HABP4: variants seen among roughly 807,000 people sequenced by gnomAD.
HABP4 encodes the protein intracellular hyaluronan-binding protein 4.
A neutral mutation model predicts 44.1 loss-of-function variants in HABP4; 32 were observed. The observed-to-expected ratio is 0.73, with a 90% CI of 0.55 to 0.97. HABP4 has a LOEUF of 0.97. Among genes scored for constraint, HABP4 ranks in the 50% least tolerant of loss-of-function variants. The pLI is 0.00. For missense variants in HABP4, 503 were observed against 561.9 expected, an observed-to-expected ratio of 0.90 and a Z score of 1.06; for synonymous variants, 216 against 218.0, an observed-to-expected ratio of 0.99 and a Z score of 0.08.
intron 6 of HABP4, among the ~76,000 whole-genome samples, chr9:96,486,750 T>TACCTA (rs1177208692): frequency 2.6e-5 from 4 of 152,036 alleles, no homozygotes; most frequent in Non-Finnish European, 5.9e-5. Flanking sequence ...AGCACTAGAA[T>TACCTA]ACCTAGCAAA....
Position 96,458,420 on chromosome 9 carries a change from A to T in HABP4, c.391A>T (p.Asn131Tyr). 6.2e-7 allele frequency: 1 copy of T among 1,614,030 alleles called. No homozygotes were observed. Among genetic ancestry groups the T allele is most frequent in the Non-Finnish European group, 8.5e-7 (1 of 1,179,944 alleles). The change falls in exon 2 of 8, where the codon AAT (asparagine) becomes TAT (tyrosine). Residue 131 changes from asparagine (N) to tyrosine (Y), a missense_variant. Coordinates refer to ENST00000375249, the MANE Select transcript of HABP4 (RefSeq NM_014282.4). ...TPRRGEQQGW[N>Y]DSRGPEGMLE... ...TAGAAGAGGGGAGCAGCAAGGATGG[A>T]ATGACAGCCGTGGGCCGGAGGGGAT...
chr9:96,454,007 G>A (rs1016574401), intron 1 of HABP4, among the ~76,000 whole-genome samples: 2 of 152,112 alleles, frequency 1.3e-5, no homozygotes, highest in Non-Finnish European at 2.9e-5. Context: ...AAAATGAAAT[G>A]TTTGCTTGAT....
At chr9:96,483,272 A>G (rs1304653525) in intron 5 of HABP4, 3 of 152,028 alleles carry the variant, frequency 2.0e-5, no homozygotes, top group Non-Finnish European at 4.4e-5. Context: ...CTATTTGTAT[A>G]TCTTCTCTGG....
chr9:96,458,697 C>T (rs1485869831), intron 2 of HABP4, among the ~76,000 whole-genome samples, 156 bp downstream of exon 2: 1 of 150,562 alleles, frequency 6.6e-6, no homozygotes, highest in Non-Finnish European at 1.5e-5. Context: ...GATCTCGGCT[C>T]ACTGCAACCT....
intron 5 of HABP4, among the ~76,000 whole-genome samples, chr9:96,471,799 G>A (rs577069957): frequency 6.6e-6 from 1 of 151,350 alleles, no homozygotes; most frequent in Non-Finnish European, 1.5e-5. Context: ...TTTTTCTGGG[G>A]TTTTTTTTGA....
chr9:96,479,166 C>CTA (rs1188649848), intron 5 of HABP4, among the ~76,000 whole-genome samples: 1 of 152,040 alleles, frequency 6.6e-6, no homozygotes, highest in Non-Finnish European at 1.5e-5. Context: ...GGATTTTTAC[C>CTA]TAGACTGCTT....
At chr9:96,457,734 GGCACATGCCTGTAATTCCA>G (rs1832419395) in intron 1 of HABP4, among the ~76,000 whole-genome samples, 2 of 152,092 alleles carry the variant, frequency 1.3e-5, no homozygotes, top group South Asian at 4.1e-4. Flanking sequence ...TGGGCATGGT[GGCACATGCCTGTAATTCCA>G]GCATCTTGGG....
chr9:96,465,635 T>C, intron 3 of HABP4, 75 bp from the exon 4 acceptor site: 1 of 1,216,770 alleles, frequency 8.2e-7, no homozygotes, highest in South Asian at 1.2e-5. Flanking sequence ...GGGACTTTTA[T>C]GAACCACTCT....
intron 1 of HABP4, among the ~76,000 whole-genome samples, chr9:96,452,661 C>T (rs912733577): frequency 3.3e-5 from 5 of 152,062 alleles, no homozygotes; most frequent in Admixed American, 2.0e-4. Flanking sequence ...GCAAACAGCT[C>T]ATTAATTTCC....
chr9:96,456,941 A>G (rs1832404980), intron 1 of HABP4, among the ~76,000 whole-genome samples: 2 of 151,236 alleles, frequency 1.3e-5, no homozygotes, highest in South Asian at 2.1e-4. Context: ...TTTTAAATGT[A>G]TATAAAAAAA....
At chr9:96,487,295 T>C (rs555251159) in intron 6 of HABP4, among the ~76,000 whole-genome samples, 1 of 152,210 alleles carries the variant, frequency 6.6e-6, no homozygotes, top group Non-Finnish European at 1.5e-5. Context: ...TGTAGGTTTT[T>C]ACTTTACTTA....
intron 5 of HABP4, among the ~76,000 whole-genome samples, chr9:96,481,631 G>A (rs999782962): frequency 1.3e-5 from 2 of 151,920 alleles, no homozygotes; most frequent in Non-Finnish European, 2.9e-5. Flanking sequence ...TGTAGTCCCA[G>A]CTACTCTCAG....
chr9:96,476,349 A>T (rs1832786280), intron 5 of HABP4, among the ~76,000 whole-genome samples: 2 of 152,240 alleles, frequency 1.3e-5, no homozygotes, highest in Admixed American at 6.5e-5. Context: ...AGTCTCATCC[A>T]TTTCTAAATA....
At chr9:96,456,665 C>T (rs933284110) in intron 1 of HABP4, among the ~76,000 whole-genome samples, 5 of 146,840 alleles carry the variant, frequency 3.4e-5, no homozygotes, top group African/African-American at 1.3e-4. Flanking sequence ...GAGGCTGAGG[C>T]AGGAGAATGG....
intron 1 of HABP4, among the ~76,000 whole-genome samples, chr9:96,456,369 G>A (rs1156907349): frequency 6.6e-6 from 1 of 152,110 alleles, no homozygotes; most frequent in Non-Finnish European, 1.5e-5. Context: ...TAAAGTTTTG[G>A]TAGAAAATAT....
intron 1 of HABP4, among the ~76,000 whole-genome samples, chr9:96,457,986 A>G (rs1832426567): frequency 6.6e-6 from 1 of 152,234 alleles, no homozygotes; most frequent in South Asian, 2.1e-4. Context: ...CTAAAAGTAC[A>G]GTCTGAAATA....
chr9:96,472,890 G>C (rs1045058397), intron 5 of HABP4, among the ~76,000 whole-genome samples: 1 of 152,152 alleles, frequency 6.6e-6, no homozygotes, highest in Non-Finnish European at 1.5e-5. Context: ...GCTGCAGTCT[G>C]CGTCTTTCTT....
chr9:96,485,104 G>T (rs977941450), intron 6 of HABP4, among the ~76,000 whole-genome samples: 6 of 151,926 alleles, frequency 3.9e-5, no homozygotes, highest in African/African-American at 1.2e-4. Flanking sequence ...CCAGGCTGGA[G>T]TGCAGTGGCG....
At chr9:96,469,448 C>G (rs1011588141) in intron 4 of HABP4, among the ~76,000 whole-genome samples, 1 of 152,186 alleles carries the variant, frequency 6.6e-6, no homozygotes, top group Admixed American at 6.5e-5. Context: ...TAGGCATTTT[C>G]TGCACTAGTA....
Sources: gnomAD v4.1 joint callset for allele counts (sites outside exome capture counted in the v4.1 genomes callset) on GRCh38, gnomAD v4.1.1 for gene constraint, MANE v1.5 for transcripts, NCBI Gene and HGNC (gene_info 2026-07-23, HGNC 2026-07-21) for gene names.